Variants in PM20D2 observed in about 807,000 individuals in gnomAD.
The protein encoded by PM20D2 is peptidase M20 domain containing 2, also known as xaa-Arg dipeptidase.
PM20D2 carries 33 observed loss-of-function variants against 42.9 expected under a neutral mutation model. The ratio of observed to expected loss-of-function variants is 0.77; its 90% CI spans 0.58 to 1.03. The LOEUF (loss-of-function observed/expected upper bound fraction) is 1.03, where lower values mean the gene tolerates loss of function less well. Among genes scored for constraint, PM20D2 ranks in the 50% least tolerant of loss-of-function variants. The probability of loss-of-function intolerance (pLI) is 0.00; values close to 1 mark genes in which losing one functional copy is unlikely to be tolerated. For synonymous variants in PM20D2, 250 were observed against 228.2 expected (o/e 1.10, Z -0.86); for missense variants, 548 against 557.0 (o/e 0.98, Z 0.16).
the PM20D2 span, chr6:89,105,230 T>C: frequency 6.2e-7 from 1 of 1,611,442 alleles, no homozygotes; most frequent in Non-Finnish European, 8.5e-7. Context: ...AGAACAAGGA[T>C]GACGTTCTTT....
At chr6:89,145,460 TCTA>T (rs1770495138), upstream of PM20D2, among the ~76,000 whole-genome samples, 1 of 152,256 alleles carries the variant, frequency 6.6e-6, no homozygotes, top group Non-Finnish European at 1.5e-5. Flanking sequence ...AATTTTTAGT[TCTA>T]CTCTATTCAA....
At chr6:89,114,212 G>T in the PM20D2 span, among the ~76,000 whole-genome samples, 1 of 152,176 alleles carries the variant, frequency 6.6e-6, no homozygotes, top group Admixed American at 6.5e-5. Flanking sequence ...CGGATTACCT[G>T]ACATCAAGAG....
the PM20D2 span, among the ~76,000 whole-genome samples, chr6:89,122,427 G>A: frequency 1.3e-5 from 2 of 152,106 alleles, no homozygotes; most frequent in East Asian, 1.9e-4. Flanking sequence ...CAATACATAC[G>A]ATATTTGTTA....
At chr6:89,122,389 G>C in the PM20D2 span, among the ~76,000 whole-genome samples, 202 of 152,306 alleles carry the variant, frequency 1.3e-3, 1 homozygote, top group Non-Finnish European at 2.2e-3. Flanking sequence ...GGATAATCAA[G>C]AAGTTGAGGC....
upstream of PM20D2, among the ~76,000 whole-genome samples, chr6:89,144,470 T>C (rs938551693): frequency 6.6e-5 from 10 of 152,314 alleles, no homozygotes; most frequent in East Asian, 1.9e-3. Flanking sequence ...ACACAAGCAA[T>C]AGACCATGGT....
chr6:89,151,497 G>GA (rs1770840026), intron 2 of PM20D2, among the ~76,000 whole-genome samples: 2 of 152,054 alleles, frequency 1.3e-5, no homozygotes, highest in Admixed American at 1.3e-4. Flanking sequence ...CAAAGGGCTG[G>GA]AATTACAGGC....
At chr6:89,107,739 CA>C in the PM20D2 span, among the ~76,000 whole-genome samples, 1 of 149,232 alleles carries the variant, frequency 6.7e-6, no homozygotes, top group African/African-American at 2.5e-5. Context: ...GACCCTGTCT[CA>C]AAAAAAAAGA....
At chr6:89,126,131 A>T in the PM20D2 span, among the ~76,000 whole-genome samples, 1 of 151,678 alleles carries the variant, frequency 6.6e-6, no homozygotes, top group Non-Finnish European at 1.5e-5. Flanking sequence ...ATGGTGTCTC[A>T]TGCCTGTAGT....
the PM20D2 span, chr6:89,098,268 C>T: frequency 4.2e-6 from 1 of 239,530 alleles, no homozygotes; most frequent in Non-Finnish European, 8.1e-6. Context: ...AGTACTAATA[C>T]TATGCAAGTA....
the PM20D2 span, among the ~76,000 whole-genome samples, chr6:89,110,738 G>A: frequency 3.3e-5 from 5 of 152,158 alleles, no homozygotes; most frequent in African/African-American, 1.2e-4. Context: ...AAATTGGTAG[G>A]CTGGAGGGTA....
At chr6:89,136,161 C>G in the PM20D2 span, among the ~76,000 whole-genome samples, 1 of 151,022 alleles carries the variant, frequency 6.6e-6, no homozygotes, top group South Asian at 2.1e-4. Flanking sequence ...TAGTTGGAAC[C>G]CAGAATGCCT....
At chr6:89,116,470 C>T in the PM20D2 span, among the ~76,000 whole-genome samples, 1 of 152,046 alleles carries the variant, frequency 6.6e-6, no homozygotes, top group Admixed American at 6.6e-5. Context: ...CATGTACTTG[C>T]GGTGATCAAA....
Position 89,153,928 on chromosome 6 carries a change from A to G in PM20D2, c.757+743A>G, listed in dbSNP as rs369573475. On this transcript the variant is annotated intron_variant, in intron 3 of 6. Transcript: ENST00000275072. ...TGAATAGTGTCTTTTAAAATTATAT[A>G]TATATATCACCATAATATAAATACA... Among the ~76,000 whole-genome samples, 15 of 152,260 alleles carry G rather than the reference A, an allele frequency of 9.9e-5. 2 individuals are homozygous for G. Among genetic ancestry groups the G allele is most frequent in the Admixed American group, 3.9e-4 (6 of 15,274 alleles).
the PM20D2 span, among the ~76,000 whole-genome samples, chr6:89,110,315 A>T: frequency 1.3e-5 from 2 of 152,180 alleles, no homozygotes; most frequent in African/African-American, 4.8e-5. Flanking sequence ...ACAGAGTGGG[A>T]GCAGGCTCAA....
the PM20D2 span, among the ~76,000 whole-genome samples, chr6:89,114,299 A>C: frequency 6.6e-6 from 1 of 152,102 alleles, no homozygotes; most frequent in Non-Finnish European, 1.5e-5. Context: ...ATGGTGGCAC[A>C]CATCTGTAAT....
the PM20D2 span, among the ~76,000 whole-genome samples, chr6:89,094,235 A>AT: frequency 1.4e-5 from 2 of 139,974 alleles, no homozygotes; most frequent in Admixed American, 1.4e-4. Context: ...ATTTTTTTTT[A>AT]TTTTTTGAGA....
rs1012306133 is a variant in PM20D2, at chr6:89,161,550, G to A, written c.1049-233G>A. 7.2e-5 allele frequency among the ~76,000 whole-genome samples: 11 copies of A among 152,266 alleles called. No individual in the cohort carries two copies. The East Asian group carries it at 9.7e-4, about 13-fold the overall frequency. ...CTGGCCAAGAGGGCCAGTAAAAGCC[G>A]TGAGACAAGGTGAGGGCAGGTTTGC... On this transcript the variant is annotated intron_variant, in intron 5 of 6. Coordinates refer to ENST00000275072, the MANE Select transcript of PM20D2 (RefSeq NM_001010853.3).
In PM20D2 at chr6:89,163,643, C is replaced by G. The variant is rs1693130767; in HGVS notation, c.*1380C>G. 6.6e-6 allele frequency: 1 copy of G among 152,146 alleles called. No homozygotes were observed. The highest frequency in any genetic ancestry group is 2.1e-4 in the South Asian group (1 of 4,828). 9.4% of individuals were successfully genotyped at this position (152,146 alleles called of 1,614,324 possible). On this transcript the variant is annotated 3_prime_UTR_variant, in exon 7 of 7. Coordinates refer to ENST00000275072, the MANE Select transcript of PM20D2 (RefSeq NM_001010853.3). The stretch of plus-strand genomic sequence containing the variant: ...TACAGGCTTGAGGCACTGCACCTGG[C>G]CCTGACCATTTTTTAAAAAGGTTAG...
chr6:89,106,685 A>G, the PM20D2 span: 9 of 197,034 alleles, frequency 4.6e-5, no homozygotes, highest in Admixed American at 1.6e-4. Context: ...AATTACCTCA[A>G]TGTCACTTGA....
Sources: allele counts gnomAD v4.1 joint callset (sites outside exome capture counted in the v4.1 genomes callset), GRCh38; gene constraint gnomAD v4.1.1; transcripts MANE v1.5; gene names NCBI Gene and HGNC (gene_info 2026-07-23, HGNC 2026-07-21).